ZMYND12: variants seen among roughly 807,000 people sequenced by gnomAD.
The protein encoded by ZMYND12 is zinc finger MYND-type containing 12, also known as zinc finger MYND domain-containing protein 12.
Under a neutral mutation model 41.7 loss-of-function variants are expected in ZMYND12, and 32 were observed. That is an observed-to-expected ratio of 0.77 (90% CI 0.58 to 1.03). The LOEUF (loss-of-function observed/expected upper bound fraction) is 1.03. Among genes scored for constraint, ZMYND12 ranks in the 50% least tolerant of loss-of-function variants. The pLI, the probability that ZMYND12 is intolerant of heterozygous loss-of-function variation, is 0.00. For missense variants in ZMYND12, 424 were observed against 438.5 expected (o/e 0.97, Z 0.30); for synonymous variants, 148 against 164.8 (o/e 0.90, Z 0.78).
chr1:42,444,892 C>T (rs536940753), intron 3 of ZMYND12, among the ~76,000 whole-genome samples: 2 of 149,554 alleles, frequency 1.3e-5, no homozygotes, highest in African/African-American at 4.9e-5. Flanking sequence ...ACTGTAAGCT[C>T]CGCCCCCCGG....
intron 3 of ZMYND12, among the ~76,000 whole-genome samples, chr1:42,443,611 G>T (rs953495565): frequency 6.6e-6 from 1 of 152,124 alleles, no homozygotes; most frequent in Admixed American, 6.5e-5. Flanking sequence ...GGAAGAAAAG[G>T]GAATCTGTAT....
At chr1:42,454,349 G>T (rs1473796429) in intron 1 of ZMYND12, among the ~76,000 whole-genome samples, 2 of 152,196 alleles carry the variant, frequency 1.3e-5, no homozygotes, top group African/African-American at 4.8e-5. Flanking sequence ...TGCCCTTGTG[G>T]GGCATACAGC....
At chr1:42,436,330 T>A in intron 5 of ZMYND12, 91 bp downstream of exon 5, 11 of 1,556,280 alleles carry the variant, frequency 7.1e-6, no homozygotes, top group Non-Finnish European at 9.7e-6. Context: ...CTCTTTCTCA[T>A]GAATGGTATG....
chr1:42,448,513 G>A lies in ZMYND12; in HGVS notation c.378C>T (p.Ser126=), dbSNP rs754727067. The change falls in exon 3 of 8, where the codon TCC becomes TCT. Residue 126 remains serine (S), a synonymous_variant. Coordinates refer to ENST00000372565, the MANE Select transcript of ZMYND12 (RefSeq NM_032257.5). ...GCAGGTAAGCAGGCACAAGCTCTAC[G>A]GAGCTCAGGCCATACAGCTTCACAC... ...RFRVKLYGLS[S]VELVPAYLLL... The A allele has an allele frequency of 2.4e-5, 39 of 1,611,598 alleles. No individual in the cohort carries two copies. The highest frequency in any genetic ancestry group is 1.8e-4 in the Admixed American group (11 of 59,670).
chr1:42,442,311 C>T (rs185646931), intron 3 of ZMYND12, among the ~76,000 whole-genome samples: 293 of 152,094 alleles, frequency 1.9e-3, no homozygotes, highest in African/African-American at 6.6e-3. Context: ...CGGACAAGCA[C>T]GCTTAAGAGC....
intron 4 of ZMYND12, 46 bp from the exon 5 acceptor site, chr1:42,436,589 T>C (rs754735010): frequency 4.4e-6 from 7 of 1,603,126 alleles, no homozygotes; most frequent in Non-Finnish European, 5.1e-6. Context: ...CTTTTGCAAA[T>C]CATATATCTG....
chr1:42,453,124 GAAC>G (rs955527006), intron 1 of ZMYND12, among the ~76,000 whole-genome samples: 14 of 151,994 alleles, frequency 9.2e-5, no homozygotes, highest in Non-Finnish European at 1.6e-4. Context: ...AAAACCTATA[GAAC>G]AACAACCTCA....
In ZMYND12 at chr1:42,450,209, CTCTT is replaced by C. The variant is rs1224133221; in HGVS notation, c.111-154_111-151del. ...TCAAAGCCATTTCTGAGACTCAAAT[CTCTT>C]TCCTTTCATGTGGTTATTTGATGAT... is the stretch of plus-strand genomic sequence containing the variant. On this transcript the variant is annotated intron_variant, in intron 1 of 7. Transcript: ENST00000372565. The C allele has an allele frequency of 6.1e-6, 5 of 818,580 alleles. No individual in the cohort carries two copies. The African/African-American group carries it at 8.6e-5, about 14-fold the overall frequency. The allele number at this position is 818,580 out of a possible 1,614,324, so 50.7% of individuals were successfully genotyped here.
At chr1:42,444,871 G>T (rs1643006057) in intron 3 of ZMYND12, among the ~76,000 whole-genome samples, 1 of 144,898 alleles carries the variant, frequency 6.9e-6, no homozygotes, top group Admixed American at 7.0e-5. Flanking sequence ...GTAGTGGTGC[G>T]ATCTCCTCTC....
intron 4 of ZMYND12, 96 bp downstream of exon 4, chr1:42,439,760 G>A: frequency 1.6e-6 from 2 of 1,284,592 alleles, no homozygotes; most frequent in Non-Finnish European, 2.1e-6. Flanking sequence ...TTAGAGAAAT[G>A]CACAGTTTTA....
intron 5 of ZMYND12, 62 bp from the exon 6 acceptor site, chr1:42,435,447 G>C: frequency 7.8e-7 from 1 of 1,283,932 alleles, no homozygotes. Context: ...GGACCAGGCA[G>C]GTGAGGAGAG....
At chr1:42,447,156 G>A (rs573443180) in intron 3 of ZMYND12, among the ~76,000 whole-genome samples, 1 of 152,234 alleles carries the variant, frequency 6.6e-6, no homozygotes, top group South Asian at 2.1e-4. Context: ...AACATTACAG[G>A]GAGGAAGACT....
chr1:42,449,915 T>C lies in ZMYND12; in HGVS notation c.252+3A>G. The C allele has an allele frequency of 6.2e-7, 1 of 1,610,408 alleles. No homozygotes were observed. Among genetic ancestry groups the C allele is most frequent in the Non-Finnish European group, 8.5e-7 (1 of 1,179,982 alleles). ...TAACCTTGGAAAGTGCCGTAGGCCCTACCTGCCGCTGCTGCAGCTGCTGCA... is the reference window on the plus strand; with the variant it reads ...TAACCTTGGAAAGTGCCGTAGGCCCCACCTGCCGCTGCTGCAGCTGCTGCA... On this transcript the variant is annotated splice_donor_region_variant and intron_variant, in intron 2 of 7. Transcript: ENST00000372565.
rs1314600620 is a variant in ZMYND12 at position 42,448,467 on chromosome 1, C to T, written c.424G>A (p.Gly142Ser). Reference protein sequence around the residue: ...AYLLLAEASLGLGRIVQAEEY... With the variant: ...AYLLLAEASLSLGRIVQAEEY... ...AGGATCTCAAGTCGGTTTCACTCAC[C>T]AAGGCTGGCCTCGGCCAACAGCAGG... Residue 142 changes from glycine to serine, a missense_variant and splice_region_variant, in exon 3 of 8, where the codon GGT becomes AGT. By Grantham distance (56) the Gly-to-Ser change is moderately conservative. Transcript: ENST00000372565. The T allele has an allele frequency of 6.3e-7, 1 of 1,587,974 alleles. No homozygotes were observed. Among genetic ancestry groups the T allele is most frequent in the Admixed American group, 1.8e-5 (1 of 56,706 alleles).
At chr1:42,437,228 G>C (rs1047390554) in intron 4 of ZMYND12, among the ~76,000 whole-genome samples, 9 of 152,190 alleles carry the variant, frequency 5.9e-5, no homozygotes, top group African/African-American at 2.2e-4. Flanking sequence ...GAACTGTCCT[G>C]AGAAGGCAAA....
intron 4 of ZMYND12, among the ~76,000 whole-genome samples, chr1:42,437,126 T>C (rs773743244): frequency 5.9e-5 from 9 of 152,214 alleles, no homozygotes; most frequent in Non-Finnish European, 8.8e-5. Context: ...GAATGAACTG[T>C]TGATACATGC....
At chr1:42,445,293 C>T (rs528183460) in intron 3 of ZMYND12, among the ~76,000 whole-genome samples, 209 of 151,546 alleles carry the variant, frequency 1.4e-3, no homozygotes, top group African/African-American at 4.9e-3. Flanking sequence ...AATAGCTGGG[C>T]GTGGTGGTGC....
rs189294698 is a variant in ZMYND12, at chr1:42,448,454, C to T, written c.424+13G>A. 2.1e-4 allele frequency: 335 copies of T among 1,570,228 alleles called. No individual in the cohort carries two copies. The highest frequency in any genetic ancestry group is 1.7e-4 in the Non-Finnish European group (202 of 1,156,926). The stretch of plus-strand genomic sequence containing the variant: ...CTTAAGGGATCCAAGGATCTCAAGT[C>T]GGTTTCACTCACCAAGGCTGGCCTC... On this transcript the variant is annotated intron_variant, in intron 3 of 7. Coordinates refer to ENST00000372565, the MANE Select transcript of ZMYND12 (RefSeq NM_032257.5).
chr1:42,450,198 G>T, intron 1 of ZMYND12, 139 bp from the exon 2 acceptor site: 1 of 884,290 alleles, frequency 1.1e-6, no homozygotes, highest in Non-Finnish European at 1.7e-6. Flanking sequence ...AGCCATTTCT[G>T]AGACTCAAAT....
Sources: allele counts gnomAD v4.1 joint callset (sites outside exome capture counted in the v4.1 genomes callset), GRCh38; gene constraint gnomAD v4.1.1; transcripts MANE v1.5; gene names NCBI Gene and HGNC (gene_info 2026-07-23, HGNC 2026-07-21).